The following ANKRD62 variants were observed in gnomAD, a reference collection of about 807,000 sequenced individuals.
ANKRD62 encodes the protein ankyrin repeat domain 62.
A neutral mutation model predicts 98.8 loss-of-function variants in ANKRD62; 61 were observed. The ratio of observed to expected loss-of-function variants is 0.62; its 90% CI spans 0.50 to 0.76. The LOEUF (loss-of-function observed/expected upper bound fraction) is 0.76, where lower values mean the gene tolerates loss of function less well. Ranked by LOEUF, ANKRD62 falls within the 30% of genes least tolerant of loss-of-function variation. ANKRD62 has a pLI of 0.00. For missense variants in ANKRD62, 933 were observed against 1,082.9 expected, an observed-to-expected ratio of 0.86 and a Z score of 1.94; for synonymous variants, 341 against 367.9, an observed-to-expected ratio of 0.93 and a Z score of 0.84.
intron 6 of ANKRD62, among the ~76,000 whole-genome samples, chr18:12,100,319 A>G (rs767657136): frequency 6.6e-6 from 1 of 152,198 alleles, no homozygotes; most frequent in Non-Finnish European, 1.5e-5. Flanking sequence ...GAAAGAATAT[A>G]TTTTTATTCA....
At chr18:12,157,625 G>A in the ANKRD62 span, among the ~76,000 whole-genome samples, 93,353 of 152,036 alleles carry the variant, frequency 0.61, 29,097 homozygotes, top group Middle Eastern at 0.76. Context: ...TAGTGTGTTC[G>A]CTTGTGCTCA....
chr18:12,132,072 G>C (rs1910013986), downstream of ANKRD62, among the ~76,000 whole-genome samples: 1 of 151,532 alleles, frequency 6.6e-6, no homozygotes, highest in Non-Finnish European at 1.5e-5. Context: ...TGTGAATAAG[G>C]TATTTTCTTA....
the ANKRD62 span, among the ~76,000 whole-genome samples, chr18:12,165,108 GT>G: frequency 2.6e-5 from 4 of 151,414 alleles, no homozygotes; most frequent in African/African-American, 7.3e-5. Flanking sequence ...CGCTTTTTTG[GT>G]TTCCTTTGCC....
chr18:12,094,877 G>A (rs1351727176), intron 1 of ANKRD62, among the ~76,000 whole-genome samples: 1 of 129,402 alleles, frequency 7.7e-6, no homozygotes, highest in Non-Finnish European at 1.6e-5. Context: ...CTGGGGTGGG[G>A]GTTGGATGGA....
intron 10 of ANKRD62, among the ~76,000 whole-genome samples, chr18:12,115,752 T>C (rs1909651158): frequency 6.6e-6 from 1 of 152,066 alleles, no homozygotes; most frequent in South Asian, 2.1e-4. Context: ...TGAATGACAC[T>C]CCCAATCTAT....
chr18:12,098,049 T>G (rs1909219449), intron 5 of ANKRD62, among the ~76,000 whole-genome samples: 1 of 152,178 alleles, frequency 6.6e-6, no homozygotes, highest in African/African-American at 2.4e-5. Context: ...CAAATATTAG[T>G]TGGGATAGTT....
chr18:12,103,367 A>G, intron 7 of ANKRD62, 139 bp downstream of exon 7: 2 of 512,918 alleles, frequency 3.9e-6, no homozygotes, highest in Non-Finnish European at 6.1e-6. Flanking sequence ...TTAACTGTTT[A>G]TAAAATTTAA....
intron 10 of ANKRD62, among the ~76,000 whole-genome samples, chr18:12,115,971 A>G (rs1909656009): frequency 6.6e-6 from 1 of 152,130 alleles, no homozygotes; most frequent in African/African-American, 2.4e-5. Flanking sequence ...GCCACTTGTC[A>G]TTGCTATAAG....
At chr18:12,172,543 G>T in the ANKRD62 span, among the ~76,000 whole-genome samples, 1 of 152,214 alleles carries the variant, frequency 6.6e-6, no homozygotes, top group South Asian at 2.1e-4. Context: ...CCTACTGGGA[G>T]GTGCCTCTCA....
intron 10 of ANKRD62, among the ~76,000 whole-genome samples, chr18:12,116,835 A>G (rs1344990858): frequency 3.9e-5 from 6 of 152,204 alleles, no homozygotes; most frequent in Admixed American, 1.3e-4. Context: ...TTGCATTTAT[A>G]GATTAATTTA....
In ANKRD62 at chr18:12,126,039, G is replaced by A. The variant is rs1489849055; in HGVS notation, c.2218G>A (p.Val740Ile). The A allele has an allele frequency of 6.5e-6, 10 of 1,536,200 alleles. No homozygotes were observed. The highest frequency in any genetic ancestry group is 7.0e-6 in the Non-Finnish European group (8 of 1,146,926). The change falls in exon 13 of 14, where the codon GTC becomes ATC. Residue 740 changes from valine to isoleucine, a missense_variant. Val to Ile is a conservative substitution (Grantham distance 29, BLOSUM62 3). Transcript: ENST00000587848. Reference protein sequence around the residue: ...KTLHIEHMQGVLSRTQRRLED... With the variant: ...KTLHIEHMQGILSRTQRRLED... The stretch of plus-strand genomic sequence containing the variant: ...GTTGCATATAGAACACATGCAAGGA[G>A]TCCTAAGCCGAACACAGCGTCGATT...
chr18:12,126,037 G>A lies in ANKRD62; in HGVS notation c.2216G>A (p.Gly739Glu), dbSNP rs1403952363. ...ACGTTGCATATAGAACACATGCAAG[G>A]AGTCCTAAGCCGAACACAGCGTCGA... ...EKTLHIEHMQ[G>E]VLSRTQRRLE... Residue 739 changes from glycine to glutamate, a missense_variant, in exon 13 of 14, where the codon GGA becomes GAA. Coordinates refer to ENST00000587848, the MANE Select transcript of ANKRD62 (RefSeq NM_001277333.2). 2 of 1,536,338 alleles carry A rather than the reference G, an allele frequency of 1.3e-6. No homozygotes were observed. The highest frequency in any genetic ancestry group is 1.7e-6 in the Non-Finnish European group (2 of 1,146,928).
the ANKRD62 span, among the ~76,000 whole-genome samples, chr18:12,153,607 A>AAAAAAG: frequency 3.5e-5 from 5 of 141,036 alleles, no homozygotes; most frequent in Admixed American, 7.2e-5. Context: ...AAAAAAAAAA[A>AAAAAAG]AAAGAAAGAA....
chr18:12,173,045 C>T, the ANKRD62 span, among the ~76,000 whole-genome samples: 1 of 152,240 alleles, frequency 6.6e-6, no homozygotes, highest in East Asian at 1.9e-4. Flanking sequence ...TCTCTGACTG[C>T]TTGTGCTTCC....
chr18:12,169,484 A>G, the ANKRD62 span, among the ~76,000 whole-genome samples: 1 of 151,462 alleles, frequency 6.6e-6, no homozygotes. Flanking sequence ...GATGAAGCCA[A>G]CTTGATCTTG....
chr18:12,115,666 C>A, intron 10 of ANKRD62, 132 bp downstream of exon 10: 2 of 806,122 alleles, frequency 2.5e-6, no homozygotes, highest in South Asian at 2.5e-5. Flanking sequence ...TTCTTGTGAA[C>A]ATAGAATGAG....
chr18:12,099,597 C>A lies in ANKRD62; in HGVS notation c.753-18C>A. ...AGTATTAAAATAGTAATTGTATTTA[C>A]TGCATTTTGATACATAGCATTCGTG... On this transcript the variant is annotated intron_variant, in intron 5 of 13. Transcript: ENST00000587848. 1 of 1,436,720 alleles carries A rather than the reference C, an allele frequency of 7.0e-7. No individual in the cohort carries two copies. Among genetic ancestry groups the A allele is most frequent in the South Asian group, 1.4e-5 (1 of 69,492 alleles). The allele number at this position is 1,436,720 out of a possible 1,614,324, so 89.0% of individuals were successfully genotyped here. A position where few individuals can be genotyped will look rare whatever the true frequency, so the allele number is the denominator to read the frequency against.
intron 6 of ANKRD62, chr18:12,102,790 T>C: frequency 1.0e-6 from 1 of 987,250 alleles, no homozygotes; most frequent in Non-Finnish European, 1.2e-6. Context: ...ATTATAAAGG[T>C]AATATTAGGA....
At chr18:12,161,321 T>G in the ANKRD62 span, among the ~76,000 whole-genome samples, 2 of 152,188 alleles carry the variant, frequency 1.3e-5, no homozygotes, top group East Asian at 1.9e-4. Context: ...ACATCCTTTT[T>G]TATTCAAGGG....
Sources: gnomAD v4.1 joint callset for allele counts (sites outside exome capture counted in the v4.1 genomes callset) on GRCh38, gnomAD v4.1.1 for gene constraint, MANE v1.5 for transcripts, NCBI Gene and HGNC (gene_info 2026-07-23, HGNC 2026-07-21) for gene names.